NFATC3: variants seen among roughly 807,000 people sequenced by gnomAD.
NFATC3 encodes the protein nuclear factor of activated T-cells, cytoplasmic 3.
A neutral mutation model predicts 98.6 loss-of-function variants in NFATC3; 46 were observed. That is an observed-to-expected ratio of 0.47 (90% CI 0.37 to 0.60). The LOEUF (loss-of-function observed/expected upper bound fraction) is 0.60. Among genes scored for constraint, NFATC3 ranks in the 20% least tolerant of loss-of-function variants. NFATC3 has a pLI of 0.00. For synonymous variants in NFATC3, 512 were observed against 472.2 expected (o/e 1.08, Z -1.09); for missense variants, 1,256 against 1,295.5 (o/e 0.97, Z 0.47).
Position 68,100,604 on chromosome 16 carries a change from A to C in NFATC3, c.103+14820A>C, listed in dbSNP as rs201018489. On this transcript the variant is annotated intron_variant, in intron 1 of 9. Coordinates refer to ENST00000346183, the MANE Select transcript of NFATC3 (RefSeq NM_173165.3). ...CAAAACAAAACAAACAAAAAAAAAA[A>C]CCAAACCTGCCAAATGTTTTCATTC... Among the ~76,000 whole-genome samples, 20 of 151,890 alleles carry C rather than the reference A, an allele frequency of 1.3e-4. No individual in the cohort carries two copies. In the East Asian group the frequency reaches 1.9e-3, roughly 15 times the overall value.
At chr16:68,135,814 G>A (rs540216374) in intron 3 of NFATC3, among the ~76,000 whole-genome samples, 4 of 152,260 alleles carry the variant, frequency 2.6e-5, no homozygotes, top group African/African-American at 7.2e-5. Context: ...TGTAATCCCA[G>A]CACTTTGGGA....
In NFATC3 at chr16:68,123,074, A is replaced by G. The variant is rs1567509233; in HGVS notation, c.1191A>G (p.Ser397=). The stretch of plus-strand genomic sequence containing the variant: ...GTGATCAGTTTCTTTCAGTTCCTTC[A>G]CCCTTTACCTGGAGCAAACCAAAGC... ...SCGDQFLSVP[S]PFTWSKPKPG... Residue 397 remains serine, a synonymous_variant, in exon 2 of 10, where the codon TCA becomes TCG. Transcript: ENST00000346183. 6.2e-7 allele frequency: 1 copy of G among 1,608,318 alleles called. No homozygotes were observed. The highest frequency in any genetic ancestry group is 1.3e-5 in the African/African-American group (1 of 74,906).
intron 4 of NFATC3, among the ~76,000 whole-genome samples, chr16:68,163,859 G>A (rs1420442176): frequency 6.6e-6 from 1 of 151,000 alleles, no homozygotes; most frequent in Non-Finnish European, 1.5e-5. Flanking sequence ...CCGGGAAGAG[G>A]CGCTCCTCAC....
intron 2 of NFATC3, among the ~76,000 whole-genome samples, chr16:68,123,414 C>T (rs2036652909): frequency 6.6e-6 from 1 of 150,620 alleles, no homozygotes; most frequent in African/African-American, 2.4e-5. Flanking sequence ...GTATTCCCAA[C>T]ACTTGGGAGG....
rs1458780433 is a variant in NFATC3, at chr16:68,226,460, G to T, written c.3217G>T (p.Asp1073Tyr). 1.1e-5 allele frequency: 17 copies of T among 1,548,736 alleles called. No homozygotes were observed. The highest frequency in any genetic ancestry group is 1.5e-5 in the Non-Finnish European group (17 of 1,154,194). Reference protein sequence around the residue: ...SPESLDLGRSDGL With the variant: ...SPESLDLGRSYGL ...TGAGTCCCTGGATTTAGGAAGATCT[G>T]ATGGGCTCTAACAGTGCTTACTGCA... Residue 1073 changes from aspartate (D) to tyrosine (Y), a missense_variant, in exon 10 of 10, where the codon GAT becomes TAT. Physicochemically the swap from Asp to Tyr is radical, Grantham distance 160. Around this residue, in one of 3 missense-constraint regions of NFATC3, gnomAD observed 636 missense variants for 617.3 expected, o/e 1.03. Coordinates refer to ENST00000346183, the MANE Select transcript of NFATC3 (RefSeq NM_173165.3).
intron 9 of NFATC3, among the ~76,000 whole-genome samples, chr16:68,210,297 CAAAAAAAAAAAA>C (rs147338164): frequency 1.9e-5 from 2 of 107,626 alleles, no homozygotes; most frequent in Non-Finnish European, 4.0e-5. Flanking sequence ...GATTCCTTCT[CAAAAAAAAAAAA>C]AGAAAAAAAA....
chr16:68,200,450 A>G (rs1295729576), intron 9 of NFATC3: 1 of 152,002 alleles, frequency 6.6e-6, no homozygotes, highest in African/African-American at 2.4e-5. Context: ...ACTAAACTTT[A>G]TAATTATCCT....
Position 68,182,625 on chromosome 16 carries a change from A to T in NFATC3, c.1972-615A>T, listed in dbSNP as rs144604974. Among the ~76,000 whole-genome samples, 763 of 151,790 alleles carry T rather than the reference A, an allele frequency of 5.0e-3. 8 individuals carry two copies. Among genetic ancestry groups the T allele is most frequent in the African/African-American group, 0.017 (696 of 41,338 alleles). ...AGCCTCTGCCTCCCGGGTTCAAGCG[A>T]TTCTCCTGCCTCAGACTCCTGAGTA... On this transcript the variant is annotated intron_variant, in intron 7 of 9. Coordinates refer to ENST00000346183, the MANE Select transcript of NFATC3 (RefSeq NM_173165.3).
In NFATC3 at chr16:68,085,621, G is replaced by T; in HGVS notation, c.-61G>T. ...GAAGCGGCGTTGAGGAGCTGCTGCC[G>T]CCGCTTGCCGCTGCCGCCGCCGCCG... is the stretch of plus-strand genomic sequence containing the variant. On this transcript the variant is annotated 5_prime_UTR_variant, in exon 1 of 10. Coordinates refer to ENST00000346183, the MANE Select transcript of NFATC3 (RefSeq NM_173165.3). 1 of 1,422,254 alleles carries T rather than the reference G, an allele frequency of 7.0e-7. No homozygotes were observed. The highest frequency in any genetic ancestry group is 9.3e-7 in the Non-Finnish European group (1 of 1,072,840). 88.1% of individuals were successfully genotyped at this position (1,422,254 alleles called of 1,614,324 possible).
At chr16:68,214,185 G>A (rs1333260076) in intron 9 of NFATC3, 2 of 567,554 alleles carry the variant, frequency 3.5e-6, no homozygotes, top group Non-Finnish European at 6.3e-6. Flanking sequence ...AAAATGTGGA[G>A]AGCCATTTTA....
At chr16:68,193,092 T>C (rs578214886) in intron 9 of NFATC3, among the ~76,000 whole-genome samples, 16 of 152,254 alleles carry the variant, frequency 1.1e-4, no homozygotes, top group South Asian at 2.1e-4. Flanking sequence ...CAGACTTTTT[T>C]TTTTCTTGTC....
rs201494976 is a variant in NFATC3, at chr16:68,155,815, TAC to T, written c.1402-2042_1402-2041del. Among the ~76,000 whole-genome samples, 1,136 of 151,598 alleles carry T rather than the reference TAC, an allele frequency of 7.5e-3. 16 individuals are homozygous for T. Among genetic ancestry groups the T allele is most frequent in the African/African-American group, 0.027 (1,102 of 41,322 alleles). ...TGTCCATTAAAACAATAAACAACCATACACACACACACAAGAAAATGTGGCCC... is the reference window on the plus strand; with the variant it reads ...TGTCCATTAAAACAATAAACAACCATACACACACACAAGAAAATGTGGCCC... On this transcript the variant is annotated intron_variant, in intron 3 of 9. Coordinates refer to ENST00000346183, the MANE Select transcript of NFATC3 (RefSeq NM_173165.3).
intron 2 of NFATC3, among the ~76,000 whole-genome samples, chr16:68,124,760 C>A (rs973248516): frequency 6.8e-6 from 1 of 147,160 alleles, no homozygotes; most frequent in African/African-American, 2.5e-5. Context: ...GAGACGGAAT[C>A]TCACTGTCGC....
chr16:68,213,388 C>T (rs1275081861), intron 9 of NFATC3, among the ~76,000 whole-genome samples: 2 of 149,934 alleles, frequency 1.3e-5, no homozygotes, highest in Non-Finnish European at 3.0e-5. Context: ...GCACTCCAGC[C>T]TGGGCGACAG....
intron 3 of NFATC3, among the ~76,000 whole-genome samples, chr16:68,151,539 C>T (rs1485420096): frequency 1.3e-5 from 2 of 152,138 alleles, no homozygotes; most frequent in Non-Finnish European, 2.9e-5. Context: ...TTTCCTTATA[C>T]ATGAATGTCT....
intron 3 of NFATC3, chr16:68,138,729 C>G: frequency 7.8e-7 from 1 of 1,288,908 alleles, no homozygotes; most frequent in Non-Finnish European, 1.0e-6. Context: ...GGCTGGGCAG[C>G]CTTTCCTCAT....
intron 9 of NFATC3, among the ~76,000 whole-genome samples, chr16:68,211,271 T>C (rs2041377267): frequency 6.6e-6 from 1 of 152,114 alleles, no homozygotes; most frequent in African/African-American, 2.4e-5. Flanking sequence ...CACTGCAACC[T>C]CCACCTCCCG....
chr16:68,198,361 C>A (rs931041147), intron 9 of NFATC3, among the ~76,000 whole-genome samples: 2 of 152,120 alleles, frequency 1.3e-5, no homozygotes, highest in Admixed American at 1.3e-4. Flanking sequence ...TCTAATATAG[C>A]TCTCATTTTA....
intron 4 of NFATC3, among the ~76,000 whole-genome samples, chr16:68,164,589 C>T (rs1172219378): frequency 6.6e-6 from 1 of 152,078 alleles, no homozygotes. Context: ...CAGTGCTACA[C>T]CTTGATTTAA....
Sources: gnomAD v4.1 joint callset for allele counts (sites outside exome capture counted in the v4.1 genomes callset) on GRCh38, gnomAD v4.1.1 for gene constraint, gnomAD v4.1.1 regional missense constraint, MANE v1.5 for transcripts, NCBI Gene and HGNC (gene_info 2026-07-23, HGNC 2026-07-21) for gene names.